TPTE: variants seen among roughly 807,000 people sequenced by gnomAD.
TPTE encodes the protein transmembrane phosphatase with tensin homology, also known as putative tyrosine-protein phosphatase TPTE.
A neutral mutation model predicts 84.1 loss-of-function variants in TPTE; 59 were observed. The ratio of observed to expected loss-of-function variants is 0.70; its 90% CI spans 0.57 to 0.87. TPTE has a LOEUF of 0.87. Ranked by LOEUF, TPTE falls within the 40% of genes least tolerant of loss-of-function variation. TPTE has a pLI of 0.00. For missense variants in TPTE, 382 were observed against 659.6 expected (o/e 0.58, Z 4.61); for synonymous variants, 130 against 223.5 (o/e 0.58, Z 3.73).
intron 21 of TPTE, among the ~76,000 whole-genome samples, chr21:10,599,831 G>T (rs169759): frequency 0.1 from 13,593 of 132,254 alleles, 3 homozygotes; most frequent in African/African-American, 0.29. Context: ...TAGTTAGTTG[G>T]TTCTTTCTTT....
intron 17 of TPTE, among the ~76,000 whole-genome samples, chr21:10,580,446 G>A (rs1411526493): frequency 7.2e-5 from 11 of 152,376 alleles, no homozygotes; most frequent in African/African-American, 2.6e-4. Flanking sequence ...ATGTCAAGAA[G>A]ATTTTCACCT....
chr21:10,558,050 C>T (rs564263237), intron 8 of TPTE, among the ~76,000 whole-genome samples: 224 of 152,322 alleles, frequency 1.5e-3, no homozygotes, highest in African/African-American at 5.0e-3. Flanking sequence ...TAAGAGCCTC[C>T]GGCTCCATTG....
At chr21:10,576,964 GTTAT>G (rs1337810696) in intron 14 of TPTE, among the ~76,000 whole-genome samples, 1 of 152,248 alleles carries the variant, frequency 6.6e-6, no homozygotes, top group African/African-American at 2.4e-5. Context: ...ATTGTTACCA[GTTAT>G]TTAAAATTTG....
At chr21:10,524,519 C>T (rs1298770506) in intron 1 of TPTE, 61 bp from the exon 2 acceptor site, 1 of 152,584 alleles carries the variant, frequency 6.6e-6, no homozygotes, top group African/African-American at 2.4e-5. Context: ...AAGCCATAAT[C>T]TTGAAAGGCA....
rs532224827 is a variant in TPTE at position 10,603,571 on chromosome 21, A to G, written c.1459A>G (p.Thr487Ala). The G allele has an allele frequency of 2.0e-5, 33 of 1,612,198 alleles. No homozygotes were observed. The East Asian group carries it at 6.9e-4, about 34-fold the overall frequency. The change falls in exon 23 of 24, where the codon ACA becomes GCA. Residue 487 changes from threonine (T) to alanine (A), a missense_variant. Thr to Ala is a moderately conservative substitution (Grantham distance 58). Around this residue, in one of 10 missense-constraint regions of TPTE, gnomAD observed 120 missense variants for 79.1 expected, o/e 1.52. Transcript: ENST00000618007. ...TTTTTTTTCTTTTTAGAATCTTCCT[A>G]CATACTATGACAATTGCTCATTTTA... Reference protein sequence around the residue: ...KVQFFYSNLPTYYDNCSFYFW... With the variant: ...KVQFFYSNLPAYYDNCSFYFW...
At chr21:10,549,865 C>CATT (rs58268381) in intron 7 of TPTE, among the ~76,000 whole-genome samples, 31,561 of 144,414 alleles carry the variant, frequency 0.22, 68 homozygotes, top group African/African-American at 0.47. Context: ...TCAACCCAGA[C>CATT]ATTATAGTCA....
intron 19 of TPTE, among the ~76,000 whole-genome samples, chr21:10,592,822 G>GTGTGTA (rs1479920795): frequency 1.2e-4 from 18 of 152,386 alleles, no homozygotes; most frequent in African/African-American, 4.1e-4. Context: ...GTGTGTGTGT[G>GTGTGTA]TGTGTGTGTG....
At chr21:10,584,477 G>T (rs2075326720) in intron 17 of TPTE, among the ~76,000 whole-genome samples, 1 of 152,296 alleles carries the variant, frequency 6.6e-6, no homozygotes, top group East Asian at 1.9e-4. Context: ...AGCTAGCACT[G>T]CAGGCAGGTG....
intron 10 of TPTE, among the ~76,000 whole-genome samples, chr21:10,564,945 T>A (rs1247621850): frequency 2.6e-5 from 4 of 152,308 alleles, no homozygotes; most frequent in Non-Finnish European, 5.9e-5. Flanking sequence ...TAGAACACAA[T>A]GAGGATGCCC....
intron 3 of TPTE, among the ~76,000 whole-genome samples, chr21:10,533,446 T>G (rs2074212939): frequency 6.6e-6 from 1 of 152,312 alleles, no homozygotes. Context: ...TTCAGCTTGT[T>G]GTATTTCTTT....
intron 17 of TPTE, among the ~76,000 whole-genome samples, chr21:10,580,386 T>C (rs1186992527): frequency 1.3e-5 from 2 of 152,312 alleles, no homozygotes; most frequent in African/African-American, 2.4e-5. Context: ...ACTTTTTCTT[T>C]CGTTGCCTAT....
At chr21:10,588,470 G>A (rs868708578) in intron 17 of TPTE, among the ~76,000 whole-genome samples, 630 of 150,528 alleles carry the variant, frequency 4.2e-3, no homozygotes, top group African/African-American at 0.015. Flanking sequence ...ACCTTGGATA[G>A]TCTGGTGAGT....
At chr21:10,575,875 C>T (rs1600936042) in intron 14 of TPTE, among the ~76,000 whole-genome samples, 1 of 150,562 alleles carries the variant, frequency 6.6e-6, no homozygotes, top group African/African-American at 2.4e-5. Context: ...GCAAACAAAA[C>T]CACAATGAGA....
chr21:10,594,535 A>G (rs1291996250), intron 19 of TPTE, among the ~76,000 whole-genome samples: 1 of 152,308 alleles, frequency 6.6e-6, no homozygotes, highest in African/African-American at 2.4e-5. Flanking sequence ...TAGGAGAAGG[A>G]AGCGTGGGAG....
intron 18 of TPTE, among the ~76,000 whole-genome samples, chr21:10,591,280 C>A (rs368850201): frequency 1.9e-3 from 286 of 151,544 alleles, no homozygotes; most frequent in African/African-American, 6.8e-3. Flanking sequence ...CCATTTCCAG[C>A]AGCTCTGCTC....
At chr21:10,535,998 C>T (rs1312754137) in intron 3 of TPTE, among the ~76,000 whole-genome samples, 2 of 152,426 alleles carry the variant, frequency 1.3e-5, no homozygotes, top group African/African-American at 4.8e-5. Context: ...ATGCCACTGG[C>T]CAGGCATGGT....
intron 20 of TPTE, among the ~76,000 whole-genome samples, chr21:10,597,356 T>C (rs2075606987): frequency 6.6e-6 from 1 of 152,300 alleles, no homozygotes; most frequent in East Asian, 1.9e-4. Context: ...GAAAGCAACA[T>C]ATTAGCAAGA....
chr21:10,542,061 A>G (rs2074379345), intron 5 of TPTE, among the ~76,000 whole-genome samples: 1 of 152,308 alleles, frequency 6.6e-6, no homozygotes, highest in African/African-American at 2.4e-5. Flanking sequence ...AGGACATTGA[A>G]TGGAATAAGA....
chr21:10,562,688 C>T (rs1238035181), intron 10 of TPTE, among the ~76,000 whole-genome samples: 1 of 152,302 alleles, frequency 6.6e-6, no homozygotes, highest in African/African-American at 2.4e-5. Context: ...AATTAATGAG[C>T]TTGAAGACAG....
Sources: allele counts gnomAD v4.1 joint callset (sites outside exome capture counted in the v4.1 genomes callset), GRCh38; gene constraint gnomAD v4.1.1; regional missense constraint gnomAD v4.1.1; transcripts MANE v1.5; gene names NCBI Gene and HGNC (gene_info 2026-07-23, HGNC 2026-07-21).